Variants in ANKRD55 observed in about 807,000 individuals in gnomAD.
The protein encoded by ANKRD55 is ankyrin repeat domain-containing protein 55.
ANKRD55 carries 41 observed loss-of-function variants against 60.6 expected under a neutral mutation model. The ratio of observed to expected loss-of-function variants is 0.68; its 90% CI spans 0.53 to 0.88. The LOEUF (loss-of-function observed/expected upper bound fraction) is 0.88. Ranked by LOEUF, ANKRD55 falls within the 40% of genes least tolerant of loss-of-function variation. The pLI, the probability that ANKRD55 is intolerant of heterozygous loss-of-function variation, is 0.00. For synonymous variants in ANKRD55, 264 were observed against 290.3 expected (o/e 0.91, Z 0.92); for missense variants, 732 against 767.6 (o/e 0.95, Z 0.55).
At chr5:56,171,888 G>T (rs890744158) in intron 4 of ANKRD55, among the ~76,000 whole-genome samples, 9 of 152,184 alleles carry the variant, frequency 5.9e-5, no homozygotes, top group African/African-American at 1.9e-4. Context: ...GGAGGCTGAG[G>T]TGGGTGGATC....
chr5:56,112,137 G>C (rs1220821344), intron 9 of ANKRD55, among the ~76,000 whole-genome samples: 1 of 152,076 alleles, frequency 6.6e-6, no homozygotes, highest in Non-Finnish European at 1.5e-5. Context: ...ACATCTCAAG[G>C]ACAGTCAGTA....
chr5:56,107,256 C>G (rs1756508992), intron 10 of ANKRD55, among the ~76,000 whole-genome samples: 1 of 152,082 alleles, frequency 6.6e-6, no homozygotes, highest in South Asian at 2.1e-4. Flanking sequence ...TATCATGACT[C>G]AGTTGCCTAG....
intron 9 of ANKRD55, among the ~76,000 whole-genome samples, chr5:56,112,815 T>C (rs1756772984): frequency 6.6e-6 from 1 of 152,200 alleles, no homozygotes; most frequent in African/African-American, 2.4e-5. Context: ...ATTGCAACAC[T>C]ACTTTCTGGA....
intron 8 of ANKRD55, among the ~76,000 whole-genome samples, chr5:56,123,686 T>C (rs893252501): frequency 2.0e-5 from 3 of 152,100 alleles, no homozygotes; most frequent in African/African-American, 7.3e-5. Context: ...GAAATACTCC[T>C]TCATGACAAT....
intron 6 of ANKRD55, among the ~76,000 whole-genome samples, chr5:56,153,287 AACG>A (rs982854906): frequency 4.6e-5 from 7 of 152,094 alleles, no homozygotes; most frequent in Admixed American, 2.6e-4. Flanking sequence ...CAACAACAAC[AACG>A]ACACGCAGCT....
rs1756375659 is a variant in ANKRD55 at position 56,104,094 on chromosome 5, C to T, written c.1631-1508G>A. On this transcript the variant is annotated intron_variant, in intron 10 of 11. Transcript: ENST00000341048. The stretch of plus-strand genomic sequence containing the variant: ...CATGAAAATTTATATTAGCGAACAA[C>T]TATTTATCCATGAACACTTGAGCAG... Among the ~76,000 whole-genome samples the T allele has an allele frequency of 2.6e-5, 4 of 152,226 alleles. No individual in the cohort carries two copies. The South Asian group carries it at 8.3e-4, about 32-fold the overall frequency.
intron 2 of ANKRD55, among the ~76,000 whole-genome samples, chr5:56,194,922 G>A (rs746071881): frequency 5.3e-5 from 8 of 152,160 alleles, no homozygotes; most frequent in Admixed American, 3.9e-4. Context: ...AGATGAGAAC[G>A]TGTTTGTGCC....
intron 4 of ANKRD55, among the ~76,000 whole-genome samples, chr5:56,172,510 G>A (rs1294452624): frequency 1.3e-5 from 2 of 152,094 alleles, no homozygotes; most frequent in African/African-American, 4.8e-5. Flanking sequence ...GTGGGGGAAA[G>A]TTTGAAACAC....
At chr5:56,115,641 G>A (rs1756864634) in intron 9 of ANKRD55, among the ~76,000 whole-genome samples, 1 of 152,022 alleles carries the variant, frequency 6.6e-6, no homozygotes, top group Non-Finnish European at 1.5e-5. Flanking sequence ...ATTCTATTAA[G>A]CTTGTATTAA....
intron 8 of ANKRD55, among the ~76,000 whole-genome samples, chr5:56,117,708 T>C (rs749174510): frequency 3.3e-5 from 5 of 152,202 alleles, no homozygotes; most frequent in Non-Finnish European, 7.3e-5. Context: ...CGCCTTGGCC[T>C]CCCAGAGTGC....
chr5:56,213,726 C>T (rs1203045399), intron 2 of ANKRD55, among the ~76,000 whole-genome samples: 1 of 152,148 alleles, frequency 6.6e-6, no homozygotes, highest in South Asian at 2.1e-4. Flanking sequence ...ATCCAGAAGG[C>T]GTCGTAGTCT....
intron 2 of ANKRD55, among the ~76,000 whole-genome samples, chr5:56,200,104 A>G (rs1759330964): frequency 6.6e-6 from 1 of 152,118 alleles, no homozygotes; most frequent in Non-Finnish European, 1.5e-5. Context: ...ATATTTTTCA[A>G]ATTCTCTATA....
chr5:56,149,751 T>C (rs1757995371), intron 6 of ANKRD55, among the ~76,000 whole-genome samples: 1 of 152,088 alleles, frequency 6.6e-6, no homozygotes, highest in South Asian at 2.1e-4. Flanking sequence ...TTTTTGGAAA[T>C]TGCCACTAGA....
chr5:56,109,668 C>A (rs1024839743), intron 10 of ANKRD55, among the ~76,000 whole-genome samples: 1 of 151,770 alleles, frequency 6.6e-6, no homozygotes, highest in South Asian at 2.1e-4. Context: ...AAAATAAATT[C>A]TTTAGTGCGA....
chr5:56,123,786 T>C (rs1475268376), intron 8 of ANKRD55, among the ~76,000 whole-genome samples: 1 of 152,162 alleles, frequency 6.6e-6, no homozygotes, highest in African/African-American at 2.4e-5. Flanking sequence ...GGGGAGCATA[T>C]AGATAATCTC....
At chr5:56,174,101 T>G (rs529841591) in intron 4 of ANKRD55, among the ~76,000 whole-genome samples, 1 of 151,906 alleles carries the variant, frequency 6.6e-6, no homozygotes, top group Non-Finnish European at 1.5e-5. Flanking sequence ...GGGGGCAGAG[T>G]TAAAAAGGTG....
chr5:56,139,682 G>C (rs1285607278), intron 7 of ANKRD55, among the ~76,000 whole-genome samples: 2 of 152,210 alleles, frequency 1.3e-5, no homozygotes, highest in African/African-American at 4.8e-5. Flanking sequence ...AAGGTCAGGG[G>C]TGGGGAACCA....
chr5:56,215,950 A>G (rs1263547735), intron 2 of ANKRD55, among the ~76,000 whole-genome samples: 1 of 151,870 alleles, frequency 6.6e-6, no homozygotes, highest in Non-Finnish European at 1.5e-5. Flanking sequence ...GTGAATTGTC[A>G]TGAATACATC....
At chr5:56,141,482 G>A (rs1440067156) in intron 7 of ANKRD55, among the ~76,000 whole-genome samples, 2 of 152,224 alleles carry the variant, frequency 1.3e-5, no homozygotes, top group African/African-American at 2.4e-5. Context: ...CTGGACGTGA[G>A]TATTGTTTAA....
Sources: allele counts gnomAD v4.1 joint callset (sites outside exome capture counted in the v4.1 genomes callset), GRCh38; gene constraint gnomAD v4.1.1; transcripts MANE v1.5; gene names NCBI Gene and HGNC (gene_info 2026-07-23, HGNC 2026-07-21).